NME7: variants seen among roughly 807,000 people sequenced by gnomAD.
NME7 encodes the protein NME/NM23 family member 7.
Under a neutral mutation model 49.1 loss-of-function variants are expected in NME7, and 41 were observed. The ratio of observed to expected loss-of-function variants is 0.83; its 90% CI spans 0.65 to 1.08. The LOEUF (loss-of-function observed/expected upper bound fraction) is 1.08, where lower values mean the gene tolerates loss of function less well. Ranked by LOEUF, NME7 falls within the 50% of genes least tolerant of loss-of-function variation. NME7 has a pLI of 0.00. For missense variants in NME7, 423 were observed against 463.4 expected, an observed-to-expected ratio of 0.91 and a Z score of 0.80; for synonymous variants, 139 against 150.6, an observed-to-expected ratio of 0.92 and a Z score of 0.56.
chr1:169,360,539 C>T (rs80049818), intron 1 of NME7, among the ~76,000 whole-genome samples: 93 of 152,314 alleles, frequency 6.1e-4, no homozygotes, highest in African/African-American at 2.0e-3. Context: ...CTTCCTGCCT[C>T]TCAGATCTCT....
chr1:169,348,593 C>A (rs1423869179), intron 1 of NME7, among the ~76,000 whole-genome samples: 1 of 152,094 alleles, frequency 6.6e-6, no homozygotes, highest in African/African-American at 2.4e-5. Context: ...TAAAGGATAG[C>A]TTTTCCTGAA....
intron 11 of NME7, among the ~76,000 whole-genome samples, chr1:169,139,685 A>C (rs1571237297): frequency 6.6e-6 from 1 of 152,222 alleles, no homozygotes; most frequent in African/African-American, 2.4e-5. Context: ...TATTCTCCTA[A>C]TGTTATGGCC....
At chr1:169,170,168 C>G (rs1337732995) in intron 10 of NME7, among the ~76,000 whole-genome samples, 1 of 152,142 alleles carries the variant, frequency 6.6e-6, no homozygotes, top group Non-Finnish European at 1.5e-5. Context: ...TTAAAAGATA[C>G]TCGAGACTGA....
chr1:169,188,059 A>G (rs1326486777), intron 10 of NME7, among the ~76,000 whole-genome samples: 1 of 152,112 alleles, frequency 6.6e-6, no homozygotes, highest in East Asian at 1.9e-4. Context: ...TTCTTTAAGA[A>G]TGTTGAATAT....
At chr1:169,160,232 G>A (rs1034486347) in intron 11 of NME7, among the ~76,000 whole-genome samples, 1 of 152,052 alleles carries the variant, frequency 6.6e-6, no homozygotes, top group Non-Finnish European at 1.5e-5. Context: ...ATCTTTCCTT[G>A]TTTATAACTT....
chr1:169,169,182 A>G, intron 11 of NME7: 1 of 403,846 alleles, frequency 2.5e-6, no homozygotes, highest in East Asian at 5.7e-5. Context: ...TCCAAGGGGA[A>G]CATCACATAC....
Position 169,328,890 on chromosome 1 carries a change from C to G in NME7, c.4-4390G>C, listed in dbSNP as rs79603563. Among the ~76,000 whole-genome samples, 1,348 of 152,318 alleles carry G rather than the reference C, an allele frequency of 8.8e-3. 20 individuals carry two copies. Among genetic ancestry groups the G allele is most frequent in the African/African-American group, 0.031 (1,286 of 41,568 alleles). ...TTAGATCATAATACCCAAGACTTTT[C>G]AAATACATGTAAAGCCTTCCTAAGA... On this transcript the variant is annotated intron_variant, in intron 1 of 11. Coordinates refer to ENST00000367811, the MANE Select transcript of NME7 (RefSeq NM_013330.5).
intron 10 of NME7, among the ~76,000 whole-genome samples, chr1:169,191,432 C>T (rs967405269): frequency 7.2e-5 from 11 of 152,110 alleles, no homozygotes; most frequent in African/African-American, 2.7e-4. Context: ...TAATTCTTGA[C>T]CCTGAAATGT....
intron 1 of NME7, among the ~76,000 whole-genome samples, chr1:169,349,272 T>C (rs1204073866): frequency 6.6e-6 from 1 of 152,182 alleles, no homozygotes; most frequent in Non-Finnish European, 1.5e-5. Context: ...TTAGGAAACA[T>C]TTTAATGAAA....
chr1:169,308,040 C>T (rs1449016991), intron 4 of NME7, among the ~76,000 whole-genome samples: 1 of 151,648 alleles, frequency 6.6e-6, no homozygotes, highest in Non-Finnish European at 1.5e-5. Context: ...AAAAAAATCC[C>T]ATTTTGCAAA....
Position 169,366,911 on chromosome 1 carries a change from T to C in NME7, c.3+797A>G, listed in dbSNP as rs141073257. ...CTGTTTCTAAATTCATAGCTATAAC[T>C]ATCTAAAGATCTTTCTATCCTCCAG... On this transcript the variant is annotated intron_variant, in intron 1 of 11. Transcript: ENST00000367811. 1.8e-3 allele frequency among the ~76,000 whole-genome samples: 280 copies of C among 152,314 alleles called. 2 individuals carry two copies. The highest frequency in any genetic ancestry group is 6.2e-3 in the African/African-American group (258 of 41,568).
intron 11 of NME7, among the ~76,000 whole-genome samples, chr1:169,160,421 C>T (rs941904312): frequency 1.3e-5 from 2 of 152,082 alleles, no homozygotes; most frequent in Non-Finnish European, 2.9e-5. Context: ...GCACTTTCTC[C>T]ATGGCCACTT....
At chr1:169,186,894 A>G (rs949440908) in intron 10 of NME7, among the ~76,000 whole-genome samples, 6 of 152,142 alleles carry the variant, frequency 3.9e-5, no homozygotes, top group Admixed American at 6.5e-5. Flanking sequence ...ATTTAGTGCT[A>G]TCAATTTCCC....
chr1:169,211,230 T>G (rs1366644813), intron 10 of NME7, among the ~76,000 whole-genome samples: 2 of 152,208 alleles, frequency 1.3e-5, no homozygotes, highest in Non-Finnish European at 2.9e-5. Context: ...TAAAATAATT[T>G]ACCACAGCAC....
chr1:169,353,420 A>G (rs963873693), intron 1 of NME7, among the ~76,000 whole-genome samples: 1 of 152,110 alleles, frequency 6.6e-6, no homozygotes, highest in Non-Finnish European at 1.5e-5. Context: ...AAAGACTTAA[A>G]TTTAATACCT....
intron 10 of NME7, among the ~76,000 whole-genome samples, chr1:169,227,960 C>T (rs954386340): frequency 1.3e-5 from 2 of 151,168 alleles, no homozygotes; most frequent in African/African-American, 2.4e-5. Context: ...ATCTTTGAGG[C>T]TTATATTATA....
At chr1:169,339,318 T>C (rs1652598795) in intron 1 of NME7, among the ~76,000 whole-genome samples, 1 of 152,326 alleles carries the variant, frequency 6.6e-6, no homozygotes, top group Admixed American at 6.5e-5. Context: ...AAGTATTAAG[T>C]AACTCCAGGA....
chr1:169,284,278 C>T (rs1008865334), intron 7 of NME7: 1 of 152,038 alleles, frequency 6.6e-6, no homozygotes, highest in Non-Finnish European at 1.5e-5. Context: ...AGTTCTTGTG[C>T]TATGCTTTTC....
chr1:169,331,122 G>A (rs946072948), intron 1 of NME7, among the ~76,000 whole-genome samples: 18 of 152,216 alleles, frequency 1.2e-4, no homozygotes, highest in African/African-American at 3.1e-4. Flanking sequence ...CATTATGACC[G>A]AGTGGGATAT....
Sources: gnomAD v4.1 joint callset for allele counts (sites outside exome capture counted in the v4.1 genomes callset) on GRCh38, gnomAD v4.1.1 for gene constraint, MANE v1.5 for transcripts, NCBI Gene and HGNC (gene_info 2026-07-23, HGNC 2026-07-21) for gene names.